STPG2: variants seen among roughly 807,000 people sequenced by gnomAD.
The protein encoded by STPG2 is sperm tail PG-rich repeat containing 2.
In STPG2, 56 loss-of-function variants were observed where a neutral mutation model predicts 54.2. The observed-to-expected ratio is 1.03, with a 90% CI of 0.83 to 1.29. The LOEUF is 1.29. STPG2 is among the 50% of genes most tolerant of loss of function. The pLI is 0.00. For synonymous variants in STPG2, 200 were observed against 181.8 expected (o/e 1.10, Z -0.81); for missense variants, 596 against 544.9 (o/e 1.09, Z -0.93).
At chr4:97,602,600 A>G (rs1733493480) in intron 10 of STPG2, among the ~76,000 whole-genome samples, 1 of 151,784 alleles carries the variant, frequency 6.6e-6, no homozygotes, top group Non-Finnish European at 1.5e-5. Context: ...AATTCCTTCT[A>G]ACACTGATTT....
chr4:97,931,305 A>C (rs1732537704), intron 8 of STPG2, among the ~76,000 whole-genome samples: 1 of 152,218 alleles, frequency 6.6e-6, no homozygotes, highest in Non-Finnish European at 1.5e-5. Flanking sequence ...AATCAGTATA[A>C]GGTAGGCTGT....
At chr4:97,720,347 C>T (rs1483361121) in intron 9 of STPG2, among the ~76,000 whole-genome samples, 1 of 151,848 alleles carries the variant, frequency 6.6e-6, no homozygotes, top group Admixed American at 6.6e-5. Context: ...CTTGGAATAT[C>T]CCTGAGAGGG....
chr4:98,015,805 C>A (rs1214486096), intron 5 of STPG2, among the ~76,000 whole-genome samples: 2 of 152,100 alleles, frequency 1.3e-5, no homozygotes, highest in South Asian at 2.1e-4. Context: ...TTGGAACCAA[C>A]CCAAATGTCC....
chr4:97,797,825 T>G (rs554690469), intron 9 of STPG2, among the ~76,000 whole-genome samples: 1 of 152,322 alleles, frequency 6.6e-6, no homozygotes, highest in Admixed American at 6.5e-5. Flanking sequence ...CCTGGACTTT[T>G]TTTGGTTGGT....
At chr4:97,565,157 T>G (rs1357524519) in intron 10 of STPG2, among the ~76,000 whole-genome samples, 1 of 152,150 alleles carries the variant, frequency 6.6e-6, no homozygotes, top group East Asian at 1.9e-4. Context: ...TTCTCTAAAC[T>G]TCCCTTCTCG....
chr4:97,761,495 T>C (rs1725888523), intron 9 of STPG2, among the ~76,000 whole-genome samples: 2 of 152,128 alleles, frequency 1.3e-5, no homozygotes, highest in Non-Finnish European at 2.9e-5. Context: ...GCTTTGCCAA[T>C]ATCTTGGTTG....
chr4:97,479,930 A>G (rs756945636), intron 4 of STPG2, among the ~76,000 whole-genome samples: 25 of 151,986 alleles, frequency 1.6e-4, no homozygotes, highest in Admixed American at 9.8e-4. Context: ...ATATTTGCTG[A>G]AACTATAATT....
At chr4:98,117,212 G>A (rs954152325) in intron 3 of STPG2, among the ~76,000 whole-genome samples, 3 of 151,834 alleles carry the variant, frequency 2.0e-5, no homozygotes, top group African/African-American at 7.3e-5. Context: ...GCTGATTCTG[G>A]AATTCTTGAT....
chr4:98,010,264 G>A (rs1560633783), intron 5 of STPG2, among the ~76,000 whole-genome samples: 4 of 151,960 alleles, frequency 2.6e-5, no homozygotes, highest in Admixed American at 2.6e-4. Context: ...TGCTTTCACT[G>A]TATCCCATAG....
chr4:97,628,467 G>A (rs1426521048), intron 10 of STPG2, among the ~76,000 whole-genome samples: 1 of 152,046 alleles, frequency 6.6e-6, no homozygotes, highest in Non-Finnish European at 1.5e-5. Flanking sequence ...AAGTTTGAAA[G>A]TCTGAAGAAA....
chr4:98,054,029 A>G (rs975670811), intron 5 of STPG2, among the ~76,000 whole-genome samples: 4 of 152,160 alleles, frequency 2.6e-5, no homozygotes, highest in African/African-American at 7.2e-5. Context: ...ACTTCTGGCT[A>G]AATCTTTCTC....
intron 8 of STPG2, among the ~76,000 whole-genome samples, chr4:97,926,839 A>T (rs1157192708): frequency 2.0e-5 from 3 of 152,098 alleles, no homozygotes; most frequent in African/African-American, 7.2e-5. Flanking sequence ...CATGAGACTG[A>T]CTTAGCTTTG....
intron 3 of STPG2, among the ~76,000 whole-genome samples, chr4:98,110,643 G>A (rs1242349956): frequency 6.6e-6 from 1 of 152,040 alleles, no homozygotes. Context: ...CACCTGCTGG[G>A]CCCTCTTCCA....
chr4:97,656,760 T>C (rs946527730), intron 10 of STPG2, among the ~76,000 whole-genome samples: 1 of 151,498 alleles, frequency 6.6e-6, no homozygotes, highest in Non-Finnish European at 1.5e-5. Context: ...AAATATTTAA[T>C]GAGATTTAAT....
At chr4:97,817,202 T>C (rs1465801962) in intron 9 of STPG2, among the ~76,000 whole-genome samples, 1 of 149,898 alleles carries the variant, frequency 6.7e-6, no homozygotes, top group Non-Finnish European at 1.5e-5. Flanking sequence ...TAAAGCATGG[T>C]GATTATACAG....
chr4:97,812,676 G>A (rs1367676896), intron 9 of STPG2, among the ~76,000 whole-genome samples: 1 of 152,058 alleles, frequency 6.6e-6, no homozygotes, highest in East Asian at 1.9e-4. Flanking sequence ...TCTGAAAATT[G>A]TAATGCCCCA....
At chr4:97,677,091 C>CA (rs1293636475) in intron 10 of STPG2, among the ~76,000 whole-genome samples, 2 of 152,058 alleles carry the variant, frequency 1.3e-5, no homozygotes, top group African/African-American at 4.8e-5. Flanking sequence ...AAATTAAAGT[C>CA]AATTACTGAA....
chr4:97,987,021 T>C (rs1254595455), intron 5 of STPG2, among the ~76,000 whole-genome samples: 1 of 152,212 alleles, frequency 6.6e-6, no homozygotes, highest in African/African-American at 2.4e-5. Context: ...ATACATGTTC[T>C]CATTAAGAAA....
intron 7 of STPG2, among the ~76,000 whole-genome samples, chr4:97,950,651 A>C (rs1030014211): frequency 6.6e-6 from 1 of 152,232 alleles, no homozygotes; most frequent in Non-Finnish European, 1.5e-5. Flanking sequence ...TTGCAAAATT[A>C]TAACTGAGAA....
Sources: gnomAD v4.1 joint callset for allele counts (sites outside exome capture counted in the v4.1 genomes callset) on GRCh38, gnomAD v4.1.1 for gene constraint, MANE v1.5 for transcripts, NCBI Gene and HGNC (gene_info 2026-07-23, HGNC 2026-07-21) for gene names.